MTR: variants seen among roughly 807,000 people sequenced by gnomAD.
The protein encoded by MTR is 5-methyltetrahydrofolate-homocysteine methyltransferase.
In MTR, 84 loss-of-function variants were observed where a neutral mutation model predicts 154.8. That is an observed-to-expected ratio of 0.54 (90% confidence interval 0.45 to 0.65). The LOEUF is 0.65. MTR is among the 30% of genes least tolerant of loss of function. MTR has a pLI of 0.00. For synonymous variants in MTR, 554 were observed against 553.9 expected (o/e 1.00, Z 0.00); for missense variants, 1,275 against 1,570.2 (o/e 0.81, Z 3.18).
In MTR at chr1:236,803,635, T is replaced by C. The variant is rs1296588896; in HGVS notation, c.242T>C (p.Ile81Thr). 6.2e-7 allele frequency: 1 copy of C among 1,613,698 alleles called. No homozygotes were observed. The highest frequency in any genetic ancestry group is 8.5e-7 in the Non-Finnish European group (1 of 1,179,754). Residue 81 changes from isoleucine to threonine, a missense_variant, in exon 2 of 33, where the codon ATC becomes ACC. Ile to Thr is a moderately conservative substitution (Grantham distance 89, BLOSUM62 -1). Coordinates refer to ENST00000366577, the MANE Select transcript of MTR (RefSeq NM_000254.3). ...SITQPDVIYQ[I>T]HKEYLLAGAD... ...ACTCAGCCTGATGTCATTTACCAAA[T>C]CCATAAGGTAAAGTATTCCCAGGTT...
At chr1:236,842,756 G>A (rs1663328800) in intron 15 of MTR, among the ~76,000 whole-genome samples, 1 of 143,606 alleles carries the variant, frequency 7.0e-6, no homozygotes, top group South Asian at 2.3e-4. Context: ...TAGGGACAAA[G>A]GGAATAACAA....
intron 4 of MTR, among the ~76,000 whole-genome samples, chr1:236,809,610 A>G (rs1368462484): frequency 6.6e-6 from 1 of 152,232 alleles, no homozygotes. Flanking sequence ...TGAACCAGCT[A>G]AAGCAGGGAG....
chr1:236,830,907 A>C (rs1035119324), intron 12 of MTR, among the ~76,000 whole-genome samples: 3 of 152,212 alleles, frequency 2.0e-5, no homozygotes, highest in Non-Finnish European at 2.9e-5. Flanking sequence ...TCTCTGCCTC[A>C]TATCTGTTTC....
intron 28 of MTR, among the ~76,000 whole-genome samples, chr1:236,890,004 G>A (rs977090356): frequency 5.9e-5 from 9 of 152,112 alleles, no homozygotes; most frequent in African/African-American, 1.2e-4. Flanking sequence ...AGAATCCACC[G>A]ACAGAGACAC....
rs924825464 is a variant in MTR at position 236,800,109 on chromosome 1, T to C, written c.35-3319T>C. Reference sequence around the variant, plus strand: ...GCCCCATGGAAAAGTACTAAGACTTTTTATGAAAATGAGGGGTGGAGGCAC... The same window carrying C: ...GCCCCATGGAAAAGTACTAAGACTTCTTATGAAAATGAGGGGTGGAGGCAC... On this transcript the variant is annotated intron_variant, in intron 1 of 32. Coordinates refer to ENST00000366577, the MANE Select transcript of MTR (RefSeq NM_000254.3). 11 of 985,258 alleles carry C rather than the reference T, an allele frequency of 1.1e-5. No individual in the cohort carries two copies. In the African/African-American group the frequency reaches 1.4e-4, roughly 13 times the overall value. 61.0% of individuals were successfully genotyped at this position (985,258 alleles called of 1,614,324 possible).
chr1:236,877,101 G>A (rs753784104), intron 24 of MTR, among the ~76,000 whole-genome samples: 6 of 152,182 alleles, frequency 3.9e-5, no homozygotes, highest in Non-Finnish European at 5.9e-5. Context: ...ACACTGTGGT[G>A]CTGGAACAGC....
chr1:236,820,458 T>G, intron 8 of MTR: 2 of 1,410,784 alleles, frequency 1.4e-6, no homozygotes, highest in Non-Finnish European at 2.0e-6. Flanking sequence ...CACGGAAGAC[T>G]GGTCTGCAGC....
chr1:236,859,793 G>A (rs1664413030), intron 18 of MTR, 40 bp from the exon 19 acceptor site: 1 of 1,493,336 alleles, frequency 6.7e-7, no homozygotes, highest in Non-Finnish European at 9.3e-7. Context: ...TTTGGTTAGT[G>A]ATGAGTTGTA....
At chr1:236,862,471 C>T (rs1198905910) in intron 21 of MTR, 128 bp downstream of exon 21, 1 of 727,228 alleles carries the variant, frequency 1.4e-6, no homozygotes, top group Non-Finnish European at 2.5e-6. Flanking sequence ...GAAATGATCC[C>T]ACATCTCTCC....
At chr1:236,817,593 G>GGGTA (rs1325023347) in intron 8 of MTR, among the ~76,000 whole-genome samples, 20 of 152,260 alleles carry the variant, frequency 1.3e-4, no homozygotes, top group African/African-American at 4.6e-4. Flanking sequence ...TTAACAAGAA[G>GGGTA]GGTACTGAGA....
chr1:236,800,483 A>C (rs184652002), intron 1 of MTR: 44 of 985,102 alleles, frequency 4.5e-5, no homozygotes, highest in South Asian at 2.3e-4. Context: ...TGTAGGTTAG[A>C]GTCTTTAGTT....
chr1:236,890,672 C>G (rs140960800), intron 28 of MTR, among the ~76,000 whole-genome samples: 10 of 152,230 alleles, frequency 6.6e-5, no homozygotes, highest in Middle Eastern at 3.4e-3. Flanking sequence ...GAGGTTGTTA[C>G]GGTCAAAATG....
At chr1:236,836,554 T>C (rs1037158981) in intron 14 of MTR, among the ~76,000 whole-genome samples, 2 of 152,214 alleles carry the variant, frequency 1.3e-5, no homozygotes, top group Non-Finnish European at 2.9e-5. Flanking sequence ...TTTTTGAAGT[T>C]CTTCTTTTTT....
intron 15 of MTR, among the ~76,000 whole-genome samples, chr1:236,847,934 T>C (rs115550373): frequency 0.018 from 2,701 of 152,240 alleles, 49 homozygotes; most frequent in Non-Finnish European, 0.027. Context: ...ACAGCCCTGG[T>C]GAGGAGTAAG....
chr1:236,810,087 T>C (rs558779213), intron 4 of MTR, among the ~76,000 whole-genome samples: 25 of 152,354 alleles, frequency 1.6e-4, no homozygotes, highest in African/African-American at 6.0e-4. Context: ...AGAGGGAATT[T>C]GTCCAAACAC....
intron 29 of MTR, among the ~76,000 whole-genome samples, chr1:236,893,413 C>A (rs72762132): frequency 0.14 from 20,953 of 152,128 alleles, 1,623 homozygotes; most frequent in South Asian, 0.18. Flanking sequence ...TATATGTAGA[C>A]GCATGGGTTG....
chr1:236,841,007 T>C (rs1663197802), intron 15 of MTR, among the ~76,000 whole-genome samples: 1 of 152,230 alleles, frequency 6.6e-6, no homozygotes, highest in Non-Finnish European at 1.5e-5. Flanking sequence ...TTGATAATTG[T>C]ATTTTCTGCA....
intron 15 of MTR, among the ~76,000 whole-genome samples, chr1:236,838,842 G>C (rs111742949): frequency 1.9e-4 from 29 of 152,276 alleles, no homozygotes; most frequent in African/African-American, 3.4e-4. Context: ...CAACGTCATA[G>C]AGTGTATTTA....
At chr1:236,819,266 CT>C (rs1353069892) in intron 8 of MTR, among the ~76,000 whole-genome samples, 8 of 152,180 alleles carry the variant, frequency 5.3e-5, no homozygotes, top group African/African-American at 1.9e-4. Flanking sequence ...GTTATTTATT[CT>C]TTTTCCTGGC....
Sources: gnomAD v4.1 joint callset for allele counts (sites outside exome capture counted in the v4.1 genomes callset) on GRCh38, gnomAD v4.1.1 for gene constraint, MANE v1.5 for transcripts, NCBI Gene and HGNC (gene_info 2026-07-23, HGNC 2026-07-21) for gene names.